Variants in TNFAIP8 observed in about 807,000 individuals in gnomAD.
TNFAIP8 encodes tumor necrosis factor alpha-induced protein 8.
Under a neutral mutation model 13.3 loss-of-function variants are expected in TNFAIP8, and 7 were observed. The ratio of observed to expected loss-of-function variants is 0.52; its 90% CI spans 0.30 to 0.99. The LOEUF is 0.99. TNFAIP8 is among the 50% of genes least tolerant of loss of function. TNFAIP8 has a pLI of 0.07. For missense variants in TNFAIP8, 258 were observed against 236.9 expected, an observed-to-expected ratio of 1.09 and a Z score of -0.58; for synonymous variants, 94 against 87.6, an observed-to-expected ratio of 1.07 and a Z score of -0.41.
chr5:119,320,246 A>G (rs1282937310), intron 1 of TNFAIP8, among the ~76,000 whole-genome samples: 1 of 152,178 alleles, frequency 6.6e-6, no homozygotes, highest in Non-Finnish European at 1.5e-5. Context: ...GGAATTTCAG[A>G]TTCATTGGTT....
At position 119,390,524 on chromosome 5, in the gene TNFAIP8, C is replaced by G. The variant is rs140775329; in HGVS notation, c.32-2292C>G. Among the ~76,000 whole-genome samples, 654 of 152,288 alleles carry G rather than the reference C, an allele frequency of 4.3e-3. 3 individuals are homozygous for G. Among genetic ancestry groups the G allele is most frequent in the African/African-American group, 0.015 (609 of 41,552 alleles). ...AACATAAAACATTAAATGATGGAAA[C>G]TTCTCCATAAAGTTGGCTGTTTCTC... On this transcript the variant is annotated intron_variant, in intron 1 of 1. Coordinates refer to ENST00000504771, the MANE Select transcript of TNFAIP8 (RefSeq NM_014350.4).
chr5:119,310,438 G>C (rs773757802), intron 1 of TNFAIP8, among the ~76,000 whole-genome samples: 123 of 151,608 alleles, frequency 8.1e-4, no homozygotes, highest in Middle Eastern at 6.8e-3. Context: ...GAGGACTACA[G>C]GGCACCTCTC....
At chr5:119,310,141 C>G (rs896831196) in intron 1 of TNFAIP8, among the ~76,000 whole-genome samples, 2 of 152,258 alleles carry the variant, frequency 1.3e-5, no homozygotes, top group East Asian at 3.9e-4. Context: ...AAATCAGCTA[C>G]ATTGAGGCTA....
At position 119,281,178 on chromosome 5, in the gene TNFAIP8, C is replaced by T. The variant is rs532267780; in HGVS notation, c.1+12271C>T. 1.3e-3 allele frequency among the ~76,000 whole-genome samples: 199 copies of T among 151,922 alleles called. No individual in the cohort carries two copies. In the Middle Eastern group the frequency reaches 0.014, roughly 10 times the overall value. ...CCAAGAAACCCTGGTTATTTTTTAG[C>T]GAGAAATGGTATTTCAAGACTATAG... is the stretch of plus-strand genomic sequence containing the variant. On this transcript the variant is annotated intron_variant, in intron 1 of 1. Coordinates refer to the TNFAIP8 transcript ENST00000274456.
At chr5:119,335,949 A>G (rs745411909) in intron 1 of TNFAIP8, among the ~76,000 whole-genome samples, 35 of 151,936 alleles carry the variant, frequency 2.3e-4, no homozygotes, top group Non-Finnish European at 8.8e-5. Context: ...AATGTGATTG[A>G]TATTAGACTC....
intron 1 of TNFAIP8, among the ~76,000 whole-genome samples, chr5:119,295,213 C>T (rs547081707): frequency 2.0e-4 from 10 of 49,122 alleles, no homozygotes; most frequent in Non-Finnish European, 3.3e-4. Context: ...ATAGGTCTAA[C>T]GTTTAGTCTA....
At chr5:119,378,223 C>T (rs1361042669) in intron 1 of TNFAIP8, among the ~76,000 whole-genome samples, 4 of 152,094 alleles carry the variant, frequency 2.6e-5, no homozygotes, top group South Asian at 2.1e-4. Context: ...CCTGGGCATG[C>T]GGAGAGGAAA....
chr5:119,366,618 G>A (rs1751866593), intron 1 of TNFAIP8, among the ~76,000 whole-genome samples: 1 of 152,232 alleles, frequency 6.6e-6, no homozygotes, highest in Non-Finnish European at 1.5e-5. Context: ...GTGACATCGT[G>A]ATGCCCATTT....
chr5:119,382,220 C>G (rs1752513904), intron 1 of TNFAIP8, among the ~76,000 whole-genome samples: 1 of 152,222 alleles, frequency 6.6e-6, no homozygotes, highest in South Asian at 2.1e-4. Context: ...TAACCTCCCT[C>G]TATCACCCCA....
At chr5:119,325,774 C>T (rs938141307) in intron 1 of TNFAIP8, among the ~76,000 whole-genome samples, 3 of 152,196 alleles carry the variant, frequency 2.0e-5, no homozygotes, top group African/African-American at 7.2e-5. Flanking sequence ...CAGCTTTCCT[C>T]CCCTTGCTTC....
At chr5:119,363,933 A>G (rs894855733) in intron 1 of TNFAIP8, among the ~76,000 whole-genome samples, 5 of 152,216 alleles carry the variant, frequency 3.3e-5, no homozygotes, top group Non-Finnish European at 7.3e-5. Context: ...CATGAAACTC[A>G]GGGAAACATT....
intron 1 of TNFAIP8, among the ~76,000 whole-genome samples, chr5:119,364,426 G>A (rs1422812742): frequency 6.6e-6 from 1 of 152,142 alleles, no homozygotes; most frequent in Non-Finnish European, 1.5e-5. Context: ...GGAGTGCAGT[G>A]GCGGGGTCAT....
chr5:119,299,986 G>A (rs1447031367), intron 1 of TNFAIP8, among the ~76,000 whole-genome samples: 3 of 152,206 alleles, frequency 2.0e-5, no homozygotes, highest in African/African-American at 7.2e-5. Flanking sequence ...GCGTGGGAGT[G>A]ACCCGATTTT....
At position 119,359,845 on chromosome 5, in the gene TNFAIP8, T is replaced by C. The variant is rs532871561; in HGVS notation, c.31+3724T>C. On this transcript the variant is annotated intron_variant, in intron 1 of 1. Transcript: ENST00000504771. ...AGGGGTATAGCTGACCTTGATGTCATACATAATGTAAAAGGTACAGCATAT... is the reference window on the plus strand; with the variant it reads ...AGGGGTATAGCTGACCTTGATGTCACACATAATGTAAAAGGTACAGCATAT... Among the ~76,000 whole-genome samples, 12 of 152,358 alleles carry C rather than the reference T, an allele frequency of 7.9e-5. No individual in the cohort carries two copies. The South Asian group carries it at 2.5e-3, about 32-fold the overall frequency.
intron 1 of TNFAIP8, among the ~76,000 whole-genome samples, chr5:119,317,602 T>TTAA (rs1749937309): frequency 6.7e-6 from 1 of 148,996 alleles, no homozygotes; most frequent in Non-Finnish European, 1.5e-5. Flanking sequence ...ATAATAATTA[T>TTAA]TATTATTATT....
At chr5:119,293,146 A>G (rs1310772938) in intron 1 of TNFAIP8, among the ~76,000 whole-genome samples, 2 of 152,176 alleles carry the variant, frequency 1.3e-5, no homozygotes, top group East Asian at 3.8e-4. Flanking sequence ...ATGTTGTGGA[A>G]TGGCTAAATC....
At chr5:119,349,718 A>G (rs1027451941) in intron 1 of TNFAIP8, among the ~76,000 whole-genome samples, 1 of 152,282 alleles carries the variant, frequency 6.6e-6, no homozygotes, top group African/African-American at 2.4e-5. Flanking sequence ...AATTTATAGC[A>G]TATTTAAAGC....
At chr5:119,328,845 C>T (rs1193495739) in intron 1 of TNFAIP8, among the ~76,000 whole-genome samples, 1 of 152,212 alleles carries the variant, frequency 6.6e-6, no homozygotes, top group East Asian at 1.9e-4. Context: ...TTCAGTTTTA[C>T]ATGAGGTTTT....
chr5:119,346,014 C>T (rs568355753), intron 1 of TNFAIP8, among the ~76,000 whole-genome samples: 19 of 152,232 alleles, frequency 1.2e-4, no homozygotes, highest in Non-Finnish European at 2.4e-4. Flanking sequence ...GCAGCCCCTA[C>T]CCGTGGGCCG....
Sources: allele counts gnomAD v4.1 joint callset (sites outside exome capture counted in the v4.1 genomes callset), GRCh38; gene constraint gnomAD v4.1.1; transcripts MANE v1.5; gene names NCBI Gene and HGNC (gene_info 2026-07-23, HGNC 2026-07-21).